Variants in SEMA3A observed in about 807,000 individuals in gnomAD.
SEMA3A encodes the protein semaphorin-3A.
A neutral mutation model predicts 97.9 loss-of-function variants in SEMA3A; 29 were observed. The observed-to-expected ratio is 0.30, with a 90% CI of 0.22 to 0.40. SEMA3A has a LOEUF of 0.40. Ranked by LOEUF, SEMA3A falls within the 10% of genes least tolerant of loss-of-function variation. The pLI is 1.00. For missense variants in SEMA3A, 763 were observed against 951.3 expected (o/e 0.80, Z 2.60); for synonymous variants, 321 against 323.7 (o/e 0.99, Z 0.09).
chr7:84,447,390 C>T (rs562454466), intron 1 of SEMA3A, among the ~76,000 whole-genome samples: 1 of 152,262 alleles, frequency 6.6e-6, no homozygotes, highest in East Asian at 1.9e-4. Context: ...AGTCTTGGGG[C>T]CAGGCTGTCA....
intron 2 of SEMA3A, among the ~76,000 whole-genome samples, chr7:84,329,508 C>T (rs892393791): frequency 1.3e-5 from 2 of 151,940 alleles, no homozygotes; most frequent in Non-Finnish European, 2.9e-5. Context: ...AAAGGCTGGA[C>T]ATGTGTGGTC....
At chr7:84,156,112 G>A (rs1402672176) in intron 1 of SEMA3A, among the ~76,000 whole-genome samples, 1 of 151,924 alleles carries the variant, frequency 6.6e-6, no homozygotes, top group Non-Finnish European at 1.5e-5. Context: ...ATTATAACAA[G>A]TCATATTTTG....
At chr7:84,180,498 G>C (rs1016362466) in intron 1 of SEMA3A, among the ~76,000 whole-genome samples, 2 of 151,902 alleles carry the variant, frequency 1.3e-5, no homozygotes, top group Non-Finnish European at 2.9e-5. Flanking sequence ...GACCAACCTG[G>C]CCAACATGGT....
At chr7:84,143,954 C>CTCTA (rs1445750083) in intron 1 of SEMA3A, among the ~76,000 whole-genome samples, 5 of 94,122 alleles carry the variant, frequency 5.3e-5, no homozygotes, top group African/African-American at 2.1e-4. Context: ...CTCTCTAACA[C>CTCTA]ACACACACAC....
Position 84,155,666 on chromosome 7 carries a change from A to C in SEMA3A, c.113-20715T>G, listed in dbSNP as rs149626873. Among the ~76,000 whole-genome samples the C allele has an allele frequency of 1.1e-3, 175 of 152,278 alleles. 1 individual carries two copies. The East Asian group carries it at 0.013, about 11-fold the overall frequency. On this transcript the variant is annotated intron_variant, in intron 1 of 16. Coordinates refer to ENST00000265362, the MANE Select transcript of SEMA3A (RefSeq NM_006080.3). ...AGAGGATAAGGAAGATTAAAGTCAA[A>C]ATGTTTTCTTACTCTAACTTTTCCA...
chr7:84,485,975 A>G (rs1806565719), intron 1 of SEMA3A, among the ~76,000 whole-genome samples: 1 of 152,328 alleles, frequency 6.6e-6, no homozygotes, highest in Admixed American at 6.5e-5. Flanking sequence ...TTGGCCAGAG[A>G]AAGAAATTTT....
chr7:84,042,882 T>G (rs2115564317), intron 6 of SEMA3A, among the ~76,000 whole-genome samples: 1 of 152,190 alleles, frequency 6.6e-6, no homozygotes, highest in East Asian at 1.9e-4. Flanking sequence ...GGTAGTAGTA[T>G]TTTCATACTA....
chr7:84,358,740 T>A (rs1365123267), intron 2 of SEMA3A, among the ~76,000 whole-genome samples: 2 of 152,178 alleles, frequency 1.3e-5, no homozygotes, highest in African/African-American at 4.8e-5. Context: ...TATGACCATT[T>A]TCACGATATT....
At chr7:84,381,931 A>G (rs1026902419) in intron 1 of SEMA3A, among the ~76,000 whole-genome samples, 1 of 152,164 alleles carries the variant, frequency 6.6e-6, no homozygotes. Context: ...TTAAACATTT[A>G]CTTAAGTATG....
intron 4 of SEMA3A, among the ~76,000 whole-genome samples, chr7:84,078,275 G>C (rs1192472381): frequency 2.0e-5 from 3 of 152,030 alleles, no homozygotes; most frequent in Non-Finnish European, 4.4e-5. Flanking sequence ...ACTTGACACA[G>C]AGTTGTGAAA....
At chr7:84,312,684 TAC>T (rs1439267609) in intron 2 of SEMA3A, among the ~76,000 whole-genome samples, 3 of 147,612 alleles carry the variant, frequency 2.0e-5, no homozygotes, top group African/African-American at 7.7e-5. Flanking sequence ...CACACGCGTG[TAC>T]ACAAACACTC....
chr7:84,470,455 AAAAC>A (rs368289699), intron 1 of SEMA3A, among the ~76,000 whole-genome samples: 214 of 152,280 alleles, frequency 1.4e-3, no homozygotes, highest in African/African-American at 4.9e-3. Flanking sequence ...AAGCATTGCT[AAAAC>A]AAACAAATTG....
In SEMA3A at chr7:83,976,722, C is replaced by T. The variant is rs535643027; in HGVS notation, c.1717+410G>A. The stretch of plus-strand genomic sequence containing the variant: ...CAATAATGATATATTAGGTTTATAT[C>T]ATGAGCATATAAATGAATCATTTTA... On this transcript the variant is annotated intron_variant, in intron 15 of 16. Coordinates refer to ENST00000265362, the MANE Select transcript of SEMA3A (RefSeq NM_006080.3). 5.9e-5 allele frequency among the ~76,000 whole-genome samples: 9 copies of T among 151,982 alleles called. No individual in the cohort carries two copies. The South Asian group carries it at 1.5e-3, about 25-fold the overall frequency.
chr7:84,357,527 G>C (rs560760875), intron 2 of SEMA3A, among the ~76,000 whole-genome samples: 8 of 152,184 alleles, frequency 5.3e-5, no homozygotes, highest in Admixed American at 3.3e-4. Context: ...TCTTAATCCA[G>C]TCTATCATTG....
intron 1 of SEMA3A, among the ~76,000 whole-genome samples, chr7:84,426,267 GATAT>G (rs965695991): frequency 8.2e-6 from 1 of 121,232 alleles, no homozygotes; most frequent in African/African-American, 3.3e-5. Context: ...GATAGATATA[GATAT>G]ATAGACAGAT....
chr7:83,981,694 G>A (rs1789422665), intron 13 of SEMA3A, among the ~76,000 whole-genome samples: 1 of 152,166 alleles, frequency 6.6e-6, no homozygotes, highest in South Asian at 2.1e-4. Context: ...TGAAACAAGT[G>A]TCTTTTATTA....
At chr7:84,302,608 T>C (rs1344150957) in intron 3 of SEMA3A, among the ~76,000 whole-genome samples, 3 of 152,208 alleles carry the variant, frequency 2.0e-5, no homozygotes. Flanking sequence ...TTAATTTTAC[T>C]CATTGACAGA....
At chr7:84,019,391 A>G (rs1026492611) in intron 6 of SEMA3A, among the ~76,000 whole-genome samples, 1 of 151,966 alleles carries the variant, frequency 6.6e-6, no homozygotes, top group Non-Finnish European at 1.5e-5. Flanking sequence ...TAAAAAGAAA[A>G]AAAAAAAGAG....
At chr7:84,088,808 G>T (rs1468500083) in intron 4 of SEMA3A, among the ~76,000 whole-genome samples, 1 of 152,068 alleles carries the variant, frequency 6.6e-6, no homozygotes, top group Non-Finnish European at 1.5e-5. Flanking sequence ...GGTGCAATTT[G>T]ATCTAGTTGA....
Sources: gnomAD v4.1 joint callset for allele counts (sites outside exome capture counted in the v4.1 genomes callset) on GRCh38, gnomAD v4.1.1 for gene constraint, MANE v1.5 for transcripts, NCBI Gene and HGNC (gene_info 2026-07-23, HGNC 2026-07-21) for gene names.